DDX52: variants seen among roughly 807,000 people sequenced by gnomAD.
DDX52 encodes the protein probable ATP-dependent RNA helicase DDX52.
In DDX52, 59 loss-of-function variants were observed where a neutral mutation model predicts 76.1. That is an observed-to-expected ratio of 0.78 (90% CI 0.63 to 0.96). DDX52 has a LOEUF of 0.96. Among genes scored for constraint, DDX52 ranks in the 40% least tolerant of loss-of-function variants. The pLI, the probability that DDX52 is intolerant of heterozygous loss-of-function variation, is 0.00. For synonymous variants in DDX52, 231 were observed against 244.1 expected (o/e 0.95, Z 0.50); for missense variants, 707 against 703.9 (o/e 1.00, Z -0.05).
At position 37,625,869 on chromosome 17, in the gene DDX52, G is replaced by T. The variant is rs1263310934; in HGVS notation, c.1136+26C>A. 4.3e-6 allele frequency: 7 copies of T among 1,612,490 alleles called. No individual in the cohort carries two copies. The Admixed American group carries it at 5.0e-5, about 12-fold the overall frequency. Reference sequence around the variant, plus strand: ...TTGTATTTAAAAAAAAAATCAGTGTGATAATGTTGAGAAACAATTAAATAC... The same window carrying T: ...TTGTATTTAAAAAAAAAATCAGTGTTATAATGTTGAGAAACAATTAAATAC... On this transcript the variant is annotated intron_variant, in intron 8 of 14. Transcript: ENST00000617633.
intron 2 of DDX52, chr17:37,639,512 T>C: frequency 1.1e-6 from 1 of 912,190 alleles, no homozygotes; most frequent in South Asian, 4.3e-5. Context: ...CCAAGGTGGG[T>C]GAATCACGAG....
At position 37,610,797 on chromosome 17, in the gene DDX52, C is replaced by T. The variant is rs2064327860; in HGVS notation, c.*3499G>A. ...GACTCTAAAGTCCTTGCTCATTTCA[C>T]CAGAGCCAGCTATTCAATTTTTATG... is the stretch of plus-strand genomic sequence containing the variant. On this transcript the variant is annotated 3_prime_UTR_variant, in exon 15 of 15. Transcript: ENST00000617633. 6.6e-6 allele frequency: 1 copy of T among 152,196 alleles called. No individual in the cohort carries two copies. The highest frequency in any genetic ancestry group is 1.5e-5 in the Non-Finnish European group (1 of 68,040). 9.4% of individuals were successfully genotyped at this position (152,196 alleles called of 1,614,324 possible). A position where few individuals can be genotyped will look rare whatever the true frequency, so the allele number is the denominator to read the frequency against.
At position 37,624,373 on chromosome 17, in the gene DDX52, G is replaced by T. The variant is rs184448173; in HGVS notation, c.1198C>A (p.Leu400Ile). Residue 400 changes from leucine (L) to isoleucine (I), a missense_variant, in exon 9 of 15, where the codon CTT becomes ATT. By Grantham distance (5) the Leu-to-Ile change is conservative. Coordinates refer to ENST00000617633, the MANE Select transcript of DDX52 (RefSeq NM_007010.5). ...TTAACAAGTTCTCTCACGGCCAGAA[G>T]TTTTCCGGTCTCAGATCCAACAAAG... ...LLFVGSETGK[L>I]LAVRELVKKG... The T allele has an allele frequency of 1.4e-5, 23 of 1,608,572 alleles. No homozygotes were observed. The highest frequency in any genetic ancestry group is 3.3e-4 in the Middle Eastern group (2 of 6,030).
At chr17:37,627,611 ATTTT>A (rs139166043) in intron 6 of DDX52, among the ~76,000 whole-genome samples, 3 of 151,270 alleles carry the variant, frequency 2.0e-5, no homozygotes, top group African/African-American at 7.3e-5. Context: ...CAGGAAAATC[ATTTT>A]TTTTACATGG....
chr17:37,621,623 G>C (rs940462524), intron 9 of DDX52, 103 bp from the exon 10 acceptor site: 141 of 1,432,050 alleles, frequency 9.8e-5, no homozygotes, highest in Non-Finnish European at 1.2e-4. Context: ...TCAATTTAGT[G>C]TACTTTCTTG....
chr17:37,629,603 C>T (rs779323130), intron 5 of DDX52, among the ~76,000 whole-genome samples: 14 of 151,492 alleles, frequency 9.2e-5, no homozygotes, highest in Non-Finnish European at 1.6e-4. Flanking sequence ...GCCAGGAGTT[C>T]GAGGTTGCAG....
At chr17:37,629,843 A>G (rs373272323) in intron 5 of DDX52, among the ~76,000 whole-genome samples, 187 bp downstream of exon 5, 5 of 152,206 alleles carry the variant, frequency 3.3e-5, no homozygotes, top group East Asian at 3.8e-4. Flanking sequence ...TGTTTTAGAA[A>G]CTTACAGAAA....
chr17:37,636,146 T>G (rs2030913487), intron 2 of DDX52, among the ~76,000 whole-genome samples: 1 of 152,208 alleles, frequency 6.6e-6, no homozygotes, highest in African/African-American at 2.4e-5. Context: ...AGAATTTTGT[T>G]GTTGTTGTGC....
chr17:37,637,131 ATTTT>A (rs909205153), intron 2 of DDX52, among the ~76,000 whole-genome samples: 2 of 148,178 alleles, frequency 1.3e-5, no homozygotes, highest in Non-Finnish European at 3.0e-5. Flanking sequence ...CGTGCAGCTA[ATTTT>A]TTTTTTTCTT....
At position 37,633,282 on chromosome 17, in the gene DDX52, T is replaced by C; in HGVS notation, c.417+6A>G. 1 of 1,598,116 alleles carries C rather than the reference T, an allele frequency of 6.3e-7. No individual in the cohort carries two copies. Among genetic ancestry groups the C allele is most frequent in the Middle Eastern group, 2.1e-4 (1 of 4,872 alleles). On this transcript the variant is annotated splice_donor_region_variant and intron_variant, in intron 3 of 14. Transcript: ENST00000617633. ...TATACTTTTGGCCCCAAAATATTTT[T>C]CTAACCTTTTCTTTTCTGAGATTCT...
intron 2 of DDX52, among the ~76,000 whole-genome samples, chr17:37,636,141 TTTG>T (rs768426425): frequency 1.3e-5 from 2 of 152,192 alleles, no homozygotes; most frequent in Non-Finnish European, 2.9e-5. Flanking sequence ...TTTAAAGAAT[TTTG>T]TTGTTGTTGT....
rs758619601 is a variant in DDX52 at position 37,626,014 on chromosome 17, G to A, written c.1017C>T (p.Phe339=). The A allele has an allele frequency of 3.1e-6, 5 of 1,614,124 alleles. No individual in the cohort carries two copies. In the Admixed American group the frequency reaches 8.3e-5, roughly 27 times the overall value. Residue 339 remains phenylalanine (F), a synonymous_variant, in exon 8 of 15, where the codon TTC becomes TTT. Transcript: ENST00000617633. ...GGACCTTGTGGGATGTGCAGGCCAG[G>A]AAAATGGAAGCCAGCTGGTCTCTGA... The part of the protein sequence containing the change: ...TGFRDQLASI[F]LACTSHKVRR...
intron 8 of DDX52, 90 bp downstream of exon 8, chr17:37,625,805 A>T: frequency 7.1e-7 from 1 of 1,417,102 alleles, no homozygotes; most frequent in South Asian, 1.2e-5. Flanking sequence ...TGCTAGTCTC[A>T]GGCCAAGAAA....
At chr17:37,629,916 G>C (rs2030592013) in intron 5 of DDX52, 114 bp downstream of exon 5, 1 of 1,426,264 alleles carries the variant, frequency 7.0e-7, no homozygotes, top group South Asian at 1.4e-5. Context: ...GAGGATACTT[G>C]ACCATGACAG....
At chr17:37,631,967 A>ATGTTAAATCAACAAAACTGCTCGC in intron 4 of DDX52, 146 bp downstream of exon 4, 1 of 1,101,004 alleles carries the variant, frequency 9.1e-7, no homozygotes, top group Non-Finnish European at 1.3e-6. Flanking sequence ...TTATGGAGGC[A>ATGTTAAATCAACAAAACTGCTCGC]CAGGCATTTG....
chr17:37,622,675 A>G (rs1253066620), intron 9 of DDX52, among the ~76,000 whole-genome samples: 1 of 152,080 alleles, frequency 6.6e-6, no homozygotes, highest in Non-Finnish European at 1.5e-5. Context: ...ATAAGTAACT[A>G]CTCATTCACA....
chr17:37,636,126 TTC>T (rs1458297122), intron 2 of DDX52, among the ~76,000 whole-genome samples: 1 of 152,206 alleles, frequency 6.6e-6, no homozygotes, highest in African/African-American at 2.4e-5. Flanking sequence ...TATCAATTTT[TTC>T]TTTTTAAAGA....
At chr17:37,619,718 ATGTATAT>A in intron 13 of DDX52, 43 bp downstream of exon 13, 1 of 1,515,638 alleles carries the variant, frequency 6.6e-7, no homozygotes, top group African/African-American at 1.4e-5. Flanking sequence ...AAAAAAAAGA[ATGTATAT>A]ACAAAGAGAC....
intron 2 of DDX52, among the ~76,000 whole-genome samples, chr17:37,633,736 A>G (rs1167536094): frequency 6.6e-6 from 1 of 152,050 alleles, no homozygotes; most frequent in Non-Finnish European, 1.5e-5. Context: ...TAAAAAAGGA[A>G]AAAGTACAGC....
Sources: gnomAD v4.1 joint callset for allele counts (sites outside exome capture counted in the v4.1 genomes callset) on GRCh38, gnomAD v4.1.1 for gene constraint, MANE v1.5 for transcripts, NCBI Gene and HGNC (gene_info 2026-07-23, HGNC 2026-07-21) for gene names.